Variants in SLC2A13 observed in about 807,000 individuals in gnomAD.
SLC2A13 encodes solute carrier family 2 member 13.
A neutral mutation model predicts 64.4 loss-of-function variants in SLC2A13; 32 were observed. That is an observed-to-expected ratio of 0.50 (90% CI 0.37 to 0.67). The LOEUF is 0.67. Ranked by LOEUF, SLC2A13 falls within the 30% of genes least tolerant of loss-of-function variation. The pLI is 0.00. For missense variants in SLC2A13, 743 were observed against 829.2 expected, an observed-to-expected ratio of 0.90 and a Z score of 1.28; for synonymous variants, 338 against 327.1, an observed-to-expected ratio of 1.03 and a Z score of -0.36.
chr12:39,902,017 A>G (rs1466468538), intron 4 of SLC2A13, among the ~76,000 whole-genome samples: 2 of 152,132 alleles, frequency 1.3e-5, no homozygotes, highest in Non-Finnish European at 2.9e-5. Context: ...CAGCCAGAAA[A>G]AAGGATGAGT....
At chr12:39,981,063 C>A (rs1946883773) in intron 3 of SLC2A13, among the ~76,000 whole-genome samples, 1 of 151,850 alleles carries the variant, frequency 6.6e-6, no homozygotes, top group Non-Finnish European at 1.5e-5. Context: ...ACAGCCTGCT[C>A]CTGAATGACT....
chr12:40,000,982 G>A (rs1947313523), intron 3 of SLC2A13, among the ~76,000 whole-genome samples: 1 of 152,172 alleles, frequency 6.6e-6, no homozygotes, highest in South Asian at 2.1e-4. Context: ...ATTCCCCAAT[G>A]TCCAAAAGCT....
At chr12:40,048,949 A>C (rs1948209561) in intron 1 of SLC2A13, among the ~76,000 whole-genome samples, 1 of 152,112 alleles carries the variant, frequency 6.6e-6, no homozygotes, top group South Asian at 2.1e-4. Context: ...GGGGGATGAG[A>C]TTGTCCTTTT....
chr12:40,095,672 A>G (rs1023615439), intron 1 of SLC2A13, among the ~76,000 whole-genome samples: 1 of 152,218 alleles, frequency 6.6e-6, no homozygotes, highest in African/African-American at 2.4e-5. Context: ...TTATATTACA[A>G]TCCCTCAAGT....
chr12:40,059,382 T>C (rs1293301508), intron 1 of SLC2A13, among the ~76,000 whole-genome samples: 2 of 152,136 alleles, frequency 1.3e-5, no homozygotes, highest in African/African-American at 4.8e-5. Context: ...CAGATACACA[T>C]TGAGTATGGA....
chr12:39,826,398 T>C (rs1488222087), intron 7 of SLC2A13, among the ~76,000 whole-genome samples: 2 of 151,966 alleles, frequency 1.3e-5, no homozygotes, highest in East Asian at 3.9e-4. Context: ...TACAACTGTG[T>C]TTAATTGGTT....
At chr12:39,895,841 C>T (rs190606125) in intron 4 of SLC2A13, among the ~76,000 whole-genome samples, 1 of 88,940 alleles carries the variant, frequency 1.1e-5, no homozygotes, top group African/African-American at 4.5e-5. Flanking sequence ...TGTATATGCA[C>T]ACACATATGT....
At chr12:39,816,859 T>C (rs2135817710) in intron 7 of SLC2A13, among the ~76,000 whole-genome samples, 1 of 152,284 alleles carries the variant, frequency 6.6e-6, no homozygotes, top group East Asian at 1.9e-4. Context: ...ATTTGAAAGA[T>C]TTTAAGAATT....
At chr12:39,935,435 C>T (rs1200914230) in intron 4 of SLC2A13, among the ~76,000 whole-genome samples, 1 of 152,104 alleles carries the variant, frequency 6.6e-6, no homozygotes, top group Non-Finnish European at 1.5e-5. Context: ...TTAAGGAAGA[C>T]TCACACTATC....
chr12:40,058,583 C>A (rs1393510512), intron 1 of SLC2A13, among the ~76,000 whole-genome samples: 1 of 152,120 alleles, frequency 6.6e-6, no homozygotes, highest in South Asian at 2.1e-4. Flanking sequence ...CTTTACTATG[C>A]AGCCAAAATT....
At chr12:39,766,811 G>A (rs1227412110) in intron 7 of SLC2A13, among the ~76,000 whole-genome samples, 6 of 152,092 alleles carry the variant, frequency 3.9e-5, no homozygotes, top group Admixed American at 6.6e-5. Context: ...CTCCTTATCC[G>A]TTCAAGTTTT....
chr12:39,870,063 A>G (rs969601160), intron 5 of SLC2A13, among the ~76,000 whole-genome samples: 4 of 152,222 alleles, frequency 2.6e-5, no homozygotes, highest in African/African-American at 9.6e-5. Context: ...AAAATCCTAC[A>G]GAACTGATAA....
chr12:39,876,964 G>A (rs945817921), intron 4 of SLC2A13, among the ~76,000 whole-genome samples: 3 of 152,106 alleles, frequency 2.0e-5, no homozygotes, highest in Admixed American at 6.5e-5. Context: ...CATTATCTAA[G>A]TTATGTTCTT....
chr12:39,941,119 T>C (rs1946017179), intron 4 of SLC2A13, among the ~76,000 whole-genome samples: 1 of 39,982 alleles, frequency 2.5e-5, no homozygotes, highest in Non-Finnish European at 5.6e-5. Flanking sequence ...TAGTATTCCA[T>C]CATATATATA....
chr12:39,937,389 C>G (rs747011552), intron 4 of SLC2A13, among the ~76,000 whole-genome samples: 30 of 152,152 alleles, frequency 2.0e-4, no homozygotes, highest in Non-Finnish European at 3.7e-4. Flanking sequence ...GGCACTTCTA[C>G]AATGTTACAA....
intron 5 of SLC2A13, among the ~76,000 whole-genome samples, chr12:39,868,997 A>G (rs1263994678): frequency 1.3e-5 from 2 of 152,334 alleles, no homozygotes; most frequent in East Asian, 3.9e-4. Context: ...AATAAAATAA[A>G]TCATAGTAAG....
intron 3 of SLC2A13, among the ~76,000 whole-genome samples, chr12:39,984,121 C>T (rs579346): frequency 0.86 from 128,584 of 150,330 alleles, 55,045 homozygotes; most frequent in Non-Finnish European, 0.86. Flanking sequence ...TAGGTGGGAA[C>T]TGAACAATGA....
chr12:39,885,464 T>A (rs969712177), intron 4 of SLC2A13, among the ~76,000 whole-genome samples: 15 of 152,128 alleles, frequency 9.9e-5, no homozygotes, highest in African/African-American at 3.6e-4. Context: ...TTTTCCTTGA[T>A]CCCCGCTTCT....
intron 4 of SLC2A13, among the ~76,000 whole-genome samples, chr12:39,930,108 G>A (rs1945798154): frequency 6.7e-6 from 1 of 150,276 alleles, no homozygotes. Flanking sequence ...TCCAGCCTGG[G>A]TGACAGAGTG....
Sources: gnomAD v4.1 joint callset for allele counts (sites outside exome capture counted in the v4.1 genomes callset) on GRCh38, gnomAD v4.1.1 for gene constraint, MANE v1.5 for transcripts, NCBI Gene and HGNC (gene_info 2026-07-23, HGNC 2026-07-21) for gene names.